Variants in CTDP1 observed in about 807,000 individuals in gnomAD.
The protein encoded by CTDP1 is CTD phosphatase 1.
A neutral mutation model predicts 91.8 loss-of-function variants in CTDP1; 47 were observed. The observed-to-expected ratio is 0.51, with a 90% CI of 0.41 to 0.65. The LOEUF (loss-of-function observed/expected upper bound fraction) is 0.65, where lower values mean the gene tolerates loss of function less well. Among genes scored for constraint, CTDP1 ranks in the 30% least tolerant of loss-of-function variants. The pLI, the probability that CTDP1 is intolerant of heterozygous loss-of-function variation, is 0.00. For synonymous variants in CTDP1, 656 were observed against 598.5 expected (o/e 1.10, Z -1.40); for missense variants, 1,272 against 1,373.7 (o/e 0.93, Z 1.17).
intron 1 of CTDP1, among the ~76,000 whole-genome samples, chr18:79,684,981 C>CA: frequency 1.3e-5 from 2 of 148,902 alleles, no homozygotes; most frequent in African/African-American, 2.5e-5. Context: ...GTGCTCCTTA[C>CA]GGGGTGTGAG....
chr18:79,733,908 T>G (rs2122767466), intron 11 of CTDP1, among the ~76,000 whole-genome samples: 1 of 152,362 alleles, frequency 6.6e-6, no homozygotes, highest in East Asian at 1.9e-4. Context: ...AACACTTAGG[T>G]ATGAATTCAC....
chr18:79,685,863 TTTA>T (rs1443925403), intron 1 of CTDP1, among the ~76,000 whole-genome samples: 1 of 152,228 alleles, frequency 6.6e-6, no homozygotes, highest in East Asian at 1.9e-4. Context: ...TTAGAATAGT[TTTA>T]TTATTAACAA....
At chr18:79,740,476 C>G (rs1599309065) in intron 12 of CTDP1, among the ~76,000 whole-genome samples, 1 of 152,312 alleles carries the variant, frequency 6.6e-6, no homozygotes, top group African/African-American at 2.4e-5. Context: ...TGAAATTTTT[C>G]ACATGAAATT....
At chr18:79,742,726 G>A (rs1020019344) in intron 12 of CTDP1, among the ~76,000 whole-genome samples, 8 of 152,228 alleles carry the variant, frequency 5.3e-5, no homozygotes, top group Non-Finnish European at 1.2e-4. Flanking sequence ...AGGATGCCGA[G>A]GTGGGCAGAT....
At chr18:79,698,075 G>C (rs1305843846) in intron 4 of CTDP1, 87 bp downstream of exon 4, 1 of 1,559,348 alleles carries the variant, frequency 6.4e-7, no homozygotes, top group Non-Finnish European at 8.7e-7. Flanking sequence ...TTGTTTTTTA[G>C]ATGATTTCCC....
intron 10 of CTDP1, among the ~76,000 whole-genome samples, chr18:79,718,677 A>T (rs774312556): frequency 9.9e-5 from 15 of 152,212 alleles, no homozygotes; most frequent in Non-Finnish European, 1.9e-4. Context: ...GACCCCATGT[A>T]AATGGCTGTG....
chr18:79,726,808 C>CCA (rs1270351750), intron 10 of CTDP1, among the ~76,000 whole-genome samples: 4 of 130,564 alleles, frequency 3.1e-5, no homozygotes, highest in Non-Finnish European at 4.9e-5. Flanking sequence ...GGGGGTGACG[C>CCA]TGTTGCTGGT....
chr18:79,706,869 G>A (rs544089870), intron 5 of CTDP1, among the ~76,000 whole-genome samples: 2 of 152,358 alleles, frequency 1.3e-5, no homozygotes, highest in South Asian at 2.1e-4. Context: ...GCACACCAGC[G>A]GGCACAGCCC....
intron 5 of CTDP1, among the ~76,000 whole-genome samples, chr18:79,708,517 G>T (rs1239279893): frequency 6.6e-6 from 1 of 152,248 alleles, no homozygotes; most frequent in East Asian, 1.9e-4. Context: ...GCGTTCCGGG[G>T]TGCATTCGGA....
chr18:79,714,603 A>G lies in CTDP1; in HGVS notation c.1143A>G (p.Ala381=), dbSNP rs1568194273. The change falls in exon 8 of 13, where the codon GCA becomes GCG. Residue 381 remains alanine, a synonymous_variant. Transcript: ENST00000613122. The stretch of plus-strand genomic sequence containing the variant: ...CCAGCAATGGCCTGGAGAAGCCTGC[A>G]CGGGAGCTGAACGGCAGCGAGGCCG... ...VEPSNGLEKP[A]RELNGSEAAT... 1.9e-6 allele frequency: 3 copies of G among 1,612,880 alleles called. No homozygotes were observed. The highest frequency in any genetic ancestry group is 2.7e-5 in the African/African-American group (2 of 74,934).
intron 1 of CTDP1, among the ~76,000 whole-genome samples, chr18:79,694,832 G>C (rs1382331350): frequency 6.6e-6 from 1 of 152,244 alleles, no homozygotes; most frequent in East Asian, 1.9e-4. Context: ...TGTCTAGACT[G>C]GGAATGATAT....
chr18:79,697,832 G>A (rs757324915), intron 3 of CTDP1, 28 bp from the exon 4 acceptor site: 6 of 1,614,064 alleles, frequency 3.7e-6, no homozygotes, highest in Admixed American at 1.7e-5. Flanking sequence ...TACTGACTTT[G>A]TCATTTCTTG....
intron 10 of CTDP1, among the ~76,000 whole-genome samples, chr18:79,719,372 C>T (rs1460133217): frequency 2.6e-5 from 4 of 151,208 alleles, no homozygotes; most frequent in African/African-American, 9.7e-5. Flanking sequence ...GCTTCCCGTG[C>T]GGCAGCCTGG....
chr18:79,694,168 A>ACAG lies in CTDP1; in HGVS notation c.315-1057_315-1056insCAG, dbSNP rs1568177974. On this transcript the variant is annotated intron_variant, in intron 1 of 12. Coordinates refer to ENST00000613122, the MANE Select transcript of CTDP1 (RefSeq NM_004715.5). ...CTGGGACGGGAGTGTGGGGGCTGTG[A>ACAG]GCACCTAGGGGCGGGTGCTGAGTGC... 9.0e-3 allele frequency among the ~76,000 whole-genome samples: 1,065 copies of ACAG among 117,948 alleles called. 13 individuals carry two copies. Among genetic ancestry groups the ACAG allele is most frequent in the African/African-American group, 0.032 (964 of 30,312 alleles). 77.4% of individuals were successfully genotyped at this position (117,948 alleles called of 152,430 possible).
chr18:79,749,376 G>A (rs1003948090), intron 12 of CTDP1, among the ~76,000 whole-genome samples: 5 of 151,768 alleles, frequency 3.3e-5, no homozygotes, highest in South Asian at 2.1e-4. Context: ...ACCCAGCGTC[G>A]CTGTGAGGGA....
chr18:79,720,563 C>CGA, intron 10 of CTDP1, among the ~76,000 whole-genome samples: 1 of 152,152 alleles, frequency 6.6e-6, no homozygotes, highest in Admixed American at 6.5e-5. Context: ...GATGTCACCT[C>CGA]CCATCGTGTC....
chr18:79,681,456 C>T (rs527643699), intron 1 of CTDP1: 2 of 985,374 alleles, frequency 2.0e-6, no homozygotes, highest in Non-Finnish European at 2.4e-6. Flanking sequence ...GATGGAAGAT[C>T]CCTACTGAGG....
intron 12 of CTDP1, among the ~76,000 whole-genome samples, chr18:79,740,378 T>C (rs2086752281): frequency 1.3e-5 from 2 of 152,250 alleles, no homozygotes; most frequent in African/African-American, 2.4e-5. Flanking sequence ...TCTTGGACTT[T>C]GGGGACCTCA....
Position 79,714,872 on chromosome 18 carries a change from C to T in CTDP1, c.1412C>T (p.Ser471Phe). 2 of 1,583,104 alleles carry T rather than the reference C, an allele frequency of 1.3e-6. No homozygotes were observed. The highest frequency in any genetic ancestry group is 1.3e-5 in the African/African-American group (1 of 74,824). The stretch of plus-strand genomic sequence containing the variant: ...GAGTCCGAGGGCACGAAGTCCTCCT[C>T]CTCCGCCTCTGATGGCGAAAGCGAG... ...SSESEGTKSSSSASDGESEGK... is the reference protein window; with the variant it reads ...SSESEGTKSSFSASDGESEGK... The change falls in exon 8 of 13, where the codon TCC becomes TTC. Residue 471 changes from serine to phenylalanine, a missense_variant. By Grantham distance (155) the Ser-to-Phe change is radical (BLOSUM62 -2). This residue lies in a region of CTDP1 where 881 missense variants were observed against 911.6 expected (regional missense o/e 0.97). Coordinates refer to ENST00000613122, the MANE Select transcript of CTDP1 (RefSeq NM_004715.5).
Sources: gnomAD v4.1 joint callset for allele counts (sites outside exome capture counted in the v4.1 genomes callset) on GRCh38, gnomAD v4.1.1 for gene constraint, gnomAD v4.1.1 regional missense constraint, MANE v1.5 for transcripts, NCBI Gene and HGNC (gene_info 2026-07-23, HGNC 2026-07-21) for gene names.